GXYLT2: variants seen among roughly 807,000 people sequenced by gnomAD.
GXYLT2 encodes the protein glucoside xylosyltransferase 2, also known as glycosyltransferase 8 domain containing 4.
GXYLT2 carries 53 observed loss-of-function variants against 45.8 expected under a neutral mutation model. The ratio of observed to expected loss-of-function variants is 1.16; its 90% CI spans 0.93 to 1.46. GXYLT2 has a LOEUF of 1.46. Among genes scored for constraint, GXYLT2 ranks in the 40% most tolerant of loss-of-function variants. The pLI, the probability that GXYLT2 is intolerant of heterozygous loss-of-function variation, is 0.00. For synonymous variants in GXYLT2, 219 were observed against 214.2 expected (o/e 1.02, Z -0.19); for missense variants, 551 against 544.4 (o/e 1.01, Z -0.12).
At chr3:72,896,479 C>T (rs1245864720) in intron 1 of GXYLT2, among the ~76,000 whole-genome samples, 1 of 152,106 alleles carries the variant, frequency 6.6e-6, no homozygotes, top group Non-Finnish European at 1.5e-5. Context: ...GTAGGTATGA[C>T]TTGAGGAAAC....
chr3:72,929,301 A>G, intron 3 of GXYLT2: 1 of 1,241,164 alleles, frequency 8.1e-7, no homozygotes, highest in South Asian at 1.2e-5. Flanking sequence ...CAGGATATCA[A>G]GAAACCAGAC....
chr3:72,907,505 C>T (rs1709535354), intron 1 of GXYLT2, among the ~76,000 whole-genome samples: 1 of 152,076 alleles, frequency 6.6e-6, no homozygotes, highest in South Asian at 2.1e-4. Context: ...CCAACTTCTT[C>T]CAACTTGACT....
chr3:72,939,580 G>T (rs776272763), intron 3 of GXYLT2, among the ~76,000 whole-genome samples: 4 of 152,022 alleles, frequency 2.6e-5, no homozygotes, highest in Admixed American at 2.0e-4. Context: ...CAAACAGAAT[G>T]TTCTTTGTTG....
intron 2 of GXYLT2, among the ~76,000 whole-genome samples, chr3:72,914,292 T>C (rs1298795411): frequency 6.6e-6 from 1 of 152,100 alleles, no homozygotes. Flanking sequence ...TAAAGTTTCA[T>C]TTATTTTCGT....
chr3:72,917,712 C>G (rs528030623), intron 2 of GXYLT2, among the ~76,000 whole-genome samples: 2 of 146,722 alleles, frequency 1.4e-5, no homozygotes, highest in African/African-American at 2.5e-5. Context: ...GAGCCATGAT[C>G]GTGCCACTGT....
chr3:72,896,739 C>T (rs1400345405), intron 1 of GXYLT2, among the ~76,000 whole-genome samples: 1 of 151,998 alleles, frequency 6.6e-6, no homozygotes, highest in Admixed American at 6.5e-5. Context: ...ATCCCAGCTA[C>T]TCTGGAGGCT....
intron 2 of GXYLT2, among the ~76,000 whole-genome samples, chr3:72,914,051 C>T (rs1360308798): frequency 6.6e-6 from 1 of 152,130 alleles, no homozygotes; most frequent in East Asian, 1.9e-4. Context: ...TCACCCTTCT[C>T]CAGGGCATTG....
rs1382528326 is a variant in GXYLT2, at chr3:72,975,930, T to TC, written c.*771_*772insC. The TC allele has an allele frequency of 6.4e-5, 1 of 15,710 alleles. No homozygotes were observed. The highest frequency in any genetic ancestry group is 1.5e-4 in the Non-Finnish European group (1 of 6,840). The allele number at this position is 15,710 out of a possible 1,614,324, so 1.0% of individuals were successfully genotyped here. On this transcript the variant is annotated 3_prime_UTR_variant, in exon 7 of 7. Transcript: ENST00000389617. ...ATTTCTTCTTTTTCTTTCTTTCTTT[T>TC]TTTTTTTTTTTTTTTTTTTGAGACG... is the stretch of plus-strand genomic sequence containing the variant.
At chr3:72,926,326 T>TA (rs1293914349) in intron 3 of GXYLT2, among the ~76,000 whole-genome samples, 1 of 152,220 alleles carries the variant, frequency 6.6e-6, no homozygotes, top group Non-Finnish European at 1.5e-5. Flanking sequence ...TATGAACTCC[T>TA]ACAAATCAGT....
intron 6 of GXYLT2, among the ~76,000 whole-genome samples, chr3:72,973,183 G>T (rs1404033146): frequency 1.3e-5 from 2 of 152,174 alleles, no homozygotes. Flanking sequence ...CAAAGTCCTG[G>T]GCTGGAGAGG....
chr3:72,922,407 A>G, intron 3 of GXYLT2, 72 bp downstream of exon 3: 2 of 1,463,792 alleles, frequency 1.4e-6, no homozygotes, highest in Non-Finnish European at 1.9e-6. Context: ...AGATGTGTGT[A>G]GAAACATTTA....
chr3:72,928,750 T>G (rs917835200), intron 3 of GXYLT2, among the ~76,000 whole-genome samples: 1 of 150,970 alleles, frequency 6.6e-6, no homozygotes. Flanking sequence ...GATCAGACTG[T>G]GGGGGCAATT....
chr3:72,913,514 T>C (rs1709676070), intron 2 of GXYLT2, among the ~76,000 whole-genome samples: 1 of 151,492 alleles, frequency 6.6e-6, no homozygotes, highest in African/African-American at 2.4e-5. Context: ...GGCCAACGTG[T>C]CAAAACCCCA....
At chr3:72,912,976 G>A (rs967505146) in intron 2 of GXYLT2, among the ~76,000 whole-genome samples, 3 of 151,632 alleles carry the variant, frequency 2.0e-5, no homozygotes, top group Non-Finnish European at 4.4e-5. Flanking sequence ...TGTGCTAGGT[G>A]TTGAATTTTC....
chr3:72,908,152 C>T, intron 1 of GXYLT2: 1 of 523,758 alleles, frequency 1.9e-6, no homozygotes, highest in Non-Finnish European at 3.4e-6. Context: ...GCAGTCCAAA[C>T]AGTGACTCAT....
At chr3:72,969,664 G>T (rs1279147505) in intron 6 of GXYLT2, among the ~76,000 whole-genome samples, 1 of 151,988 alleles carries the variant, frequency 6.6e-6, no homozygotes, top group Non-Finnish European at 1.5e-5. Context: ...GGTTATGTTG[G>T]CACTATAATA....
chr3:72,944,389 G>A (rs1239001270), intron 3 of GXYLT2, among the ~76,000 whole-genome samples: 1 of 151,900 alleles, frequency 6.6e-6, no homozygotes, highest in Admixed American at 6.6e-5. Context: ...CGAGTAGCTG[G>A]GATTACAAAC....
chr3:72,929,101 C>T, intron 3 of GXYLT2: 2 of 1,591,628 alleles, frequency 1.3e-6, no homozygotes, highest in East Asian at 2.2e-5. Context: ...CAGAGGCCGT[C>T]ATCAACCGCT....
At chr3:72,972,406 C>T (rs181048581) in intron 6 of GXYLT2, among the ~76,000 whole-genome samples, 72 of 151,528 alleles carry the variant, frequency 4.8e-4, no homozygotes, top group African/African-American at 1.6e-3. Context: ...TTTGGGAGAC[C>T]GAGGCAGGTG....
Sources: gnomAD v4.1 joint callset for allele counts (sites outside exome capture counted in the v4.1 genomes callset) on GRCh38, gnomAD v4.1.1 for gene constraint, MANE v1.5 for transcripts, NCBI Gene and HGNC (gene_info 2026-07-23, HGNC 2026-07-21) for gene names.